Variants in REPS2 observed in about 807,000 individuals in gnomAD.
REPS2 encodes the protein RALBP1 associated Eps domain containing 2.
REPS2 carries 23 observed loss-of-function variants against 53.6 expected under a neutral mutation model. That is an observed-to-expected ratio of 0.43 (90% CI 0.31 to 0.61). The LOEUF (loss-of-function observed/expected upper bound fraction) is 0.61, where lower values mean the gene tolerates loss of function less well. Ranked by LOEUF, REPS2 falls within the 20% of genes least tolerant of loss-of-function variation. The probability of loss-of-function intolerance (pLI) is 0.11; values close to 1 mark genes in which losing one functional copy is unlikely to be tolerated. For synonymous variants in REPS2, 238 were observed against 218.6 expected (o/e 1.09, Z -0.78); for missense variants, 446 against 534.9 (o/e 0.83, Z 1.64).
intron 14 of REPS2, among the ~76,000 whole-genome samples, chrX:17,106,823 C>G (rs1464392292): frequency 8.9e-6 from 1 of 111,851 alleles, no homozygotes; most frequent in African/African-American, 3.3e-5. Context: ...AAGAAGACCC[C>G]ATATAACCAA....
intron 14 of REPS2, among the ~76,000 whole-genome samples, chrX:17,108,100 G>A (rs998650521): frequency 6.4e-5 from 7 of 109,648 alleles, no homozygotes; most frequent in Admixed American, 2.9e-4. Context: ...TAAAGTGAGA[G>A]TTAAATGTAT....
chrX:17,136,348 T>C (rs890761265), intron 16 of REPS2: 11 of 112,037 alleles, frequency 9.8e-5, no homozygotes, highest in African/African-American at 3.2e-4. Context: ...TTTTTTCAAA[T>C]GGACAGGTCC....
chrX:17,042,660 T>C (rs1426283728), intron 5 of REPS2, among the ~76,000 whole-genome samples: 1 of 109,828 alleles, frequency 9.1e-6, no homozygotes, highest in Admixed American at 9.6e-5. Flanking sequence ...TTAGTATCTG[T>C]GATGTACCTG....
intron 4 of REPS2, among the ~76,000 whole-genome samples, chrX:17,026,654 G>C (rs910391238): frequency 2.7e-5 from 3 of 111,064 alleles, no homozygotes; most frequent in Non-Finnish European, 5.7e-5. Context: ...CATTTCCCCA[G>C]TGGTAAGGAA....
At chrX:16,979,981 C>G (rs761164424) in intron 1 of REPS2, among the ~76,000 whole-genome samples, 1 of 111,717 alleles carries the variant, frequency 9.0e-6, no homozygotes, top group South Asian at 3.7e-4. Context: ...CTATTGGCCC[C>G]ATCTTTGAGT....
intron 1 of REPS2, among the ~76,000 whole-genome samples, chrX:16,962,604 A>G (rs1351653975): frequency 9.0e-6 from 1 of 111,584 alleles, no homozygotes; most frequent in Non-Finnish European, 1.9e-5. Context: ...CAGGAGGACT[A>G]TAGTTAACAA....
chrX:17,091,351 C>G (rs1217592921), intron 13 of REPS2, among the ~76,000 whole-genome samples: 1 of 111,606 alleles, frequency 9.0e-6, no homozygotes, highest in Non-Finnish European at 1.9e-5. Context: ...TACCCTCTGT[C>G]TAGCTGTTTA....
chrX:17,176,684 C>T, the REPS2 span, among the ~76,000 whole-genome samples: 23 of 112,272 alleles, frequency 2.0e-4, no homozygotes, highest in African/African-American at 5.5e-4. Context: ...TTCTGCCCTT[C>T]GTGCATAGGT....
intron 1 of REPS2, among the ~76,000 whole-genome samples, chrX:16,963,107 A>T (rs914064480): frequency 2.7e-5 from 3 of 111,819 alleles, no homozygotes; most frequent in African/African-American, 9.8e-5. Context: ...TCTTAAAAAA[A>T]AAAAAGATTA....
chrX:17,053,817 G>A (rs1001532788), intron 7 of REPS2, among the ~76,000 whole-genome samples: 4 of 112,102 alleles, frequency 3.6e-5, no homozygotes, highest in African/African-American at 1.3e-4. Context: ...GTATGAAGCA[G>A]TTTCCTGACC....
At chrX:16,977,794 C>G (rs1282675572) in intron 1 of REPS2, among the ~76,000 whole-genome samples, 1 of 110,565 alleles carries the variant, frequency 9.0e-6, no homozygotes, top group Non-Finnish European at 1.9e-5. Flanking sequence ...AGAGCCCACC[C>G]CAGAATTTAG....
intron 1 of REPS2, 88 bp downstream of exon 1, chrX:16,947,222 C>A: frequency 1.1e-6 from 1 of 930,956 alleles, no homozygotes; most frequent in Non-Finnish European, 1.3e-6. Flanking sequence ...GGGCTGCCCC[C>A]AGGGACCCGG....
chrX:17,063,092 G>T (rs748625873), intron 9 of REPS2, among the ~76,000 whole-genome samples: 3 of 111,948 alleles, frequency 2.7e-5, no homozygotes, highest in African/African-American at 9.7e-5. Context: ...ATGGATGGAA[G>T]GGCTTAGCCA....
At chrX:17,088,588 CTTT>C (rs137985831) in intron 13 of REPS2, among the ~76,000 whole-genome samples, 6 of 94,118 alleles carry the variant, frequency 6.4e-5, no homozygotes, top group Admixed American at 2.3e-4. Context: ...TCTTTCTTTC[CTTT>C]TTTTTTTTTT....
At chrX:17,016,760 C>CTTTTTTTTT (rs139092298) in intron 2 of REPS2, among the ~76,000 whole-genome samples, 1 of 63,658 alleles carries the variant, frequency 1.6e-5, no homozygotes, top group Non-Finnish European at 2.9e-5. Context: ...TTTCTTTTTT[C>CTTTTTTTTT]TTTTTTTTTT....
chrX:17,110,624 G>A (rs1044834606), intron 14 of REPS2, among the ~76,000 whole-genome samples: 11 of 108,042 alleles, frequency 1.0e-4, no homozygotes, highest in African/African-American at 3.0e-4. Flanking sequence ...CCTGCAAGGC[G>A]GAGGTTGCAG....
chrX:17,157,638 C>A (rs969594537), downstream of REPS2, among the ~76,000 whole-genome samples: 1 of 111,222 alleles, frequency 9.0e-6, no homozygotes, highest in Non-Finnish European at 1.9e-5. Context: ...AGGACAATCC[C>A]CCACAACAAA....
intron 5 of REPS2, among the ~76,000 whole-genome samples, chrX:17,035,537 A>T (rs1002395825): frequency 9.0e-6 from 1 of 111,024 alleles, no homozygotes; most frequent in African/African-American, 3.3e-5. Context: ...GCCCGCCCGG[A>T]TTCTTTTGGG....
rs760542400 is a variant in REPS2, at chrX:16,968,929, C to T, written c.273+21795C>T. ...GTGGAGGGGCTCCTCACTTCTCAGACGGGGCGGCTGCCGGGCGGAGGGGCC... is the reference window on the plus strand; with the variant it reads ...GTGGAGGGGCTCCTCACTTCTCAGATGGGGCGGCTGCCGGGCGGAGGGGCC... On this transcript the variant is annotated intron_variant, in intron 1 of 17. Transcript: ENST00000357277. 1.8e-3 allele frequency among the ~76,000 whole-genome samples: 195 copies of T among 107,610 alleles called. 1 individual carries two copies. The highest frequency in any genetic ancestry group is 2.7e-3 in the African/African-American group (79 of 29,335). 93.4% of individuals were successfully genotyped at this position (107,610 alleles called of 115,157 possible).
Sources: gnomAD v4.1 joint callset for allele counts (sites outside exome capture counted in the v4.1 genomes callset) on GRCh38, gnomAD v4.1.1 for gene constraint, MANE v1.5 for transcripts, NCBI Gene and HGNC (gene_info 2026-07-23, HGNC 2026-07-21) for gene names.